Variants in DCC observed in about 807,000 individuals in gnomAD.
The protein encoded by DCC is netrin receptor DCC.
DCC carries 58 observed loss-of-function variants against 172.5 expected under a neutral mutation model. That is an observed-to-expected ratio of 0.34 (90% confidence interval 0.27 to 0.42). DCC has a LOEUF of 0.42. DCC is among the 10% of genes least tolerant of loss of function. The pLI, the probability that DCC is intolerant of heterozygous loss-of-function variation, is 1.00. For synonymous variants in DCC, 709 were observed against 644.5 expected, an observed-to-expected ratio of 1.10 and a Z score of -1.52; for missense variants, 1,740 against 1,791.0, an observed-to-expected ratio of 0.97 and a Z score of 0.51.
chr18:52,858,588 G>A (rs529693819), intron 2 of DCC, among the ~76,000 whole-genome samples: 1 of 152,130 alleles, frequency 6.6e-6, no homozygotes. Context: ...TGGGTCCCCC[G>A]TGTATCTGCA....
At chr18:53,139,229 A>T (rs2043794360) in intron 7 of DCC, among the ~76,000 whole-genome samples, 1 of 152,176 alleles carries the variant, frequency 6.6e-6, no homozygotes, top group Non-Finnish European at 1.5e-5. Context: ...TTCCGGACTA[A>T]GCCACTCTCC....
chr18:53,307,330 A>G (rs746931442), intron 13 of DCC, among the ~76,000 whole-genome samples: 21 of 152,224 alleles, frequency 1.4e-4, no homozygotes, highest in Non-Finnish European at 2.6e-4. Flanking sequence ...ATAATGGGGA[A>G]GATGGTAAAA....
At chr18:52,858,834 G>T (rs918264411) in intron 2 of DCC, among the ~76,000 whole-genome samples, 5 of 152,126 alleles carry the variant, frequency 3.3e-5, no homozygotes, top group African/African-American at 1.2e-4. Context: ...CCCTGGAATG[G>T]GGCAGCAATG....
At chr18:52,420,421 A>G (rs980851064) in intron 1 of DCC, among the ~76,000 whole-genome samples, 1 of 152,152 alleles carries the variant, frequency 6.6e-6, no homozygotes, top group African/African-American at 2.4e-5. Flanking sequence ...TTCTTAAAGT[A>G]TGGTCCACAG....
chr18:53,487,096 A>G, intron 26 of DCC, 138 bp downstream of exon 26: 1 of 1,186,776 alleles, frequency 8.4e-7, no homozygotes, highest in Non-Finnish European at 1.2e-6. Flanking sequence ...TTCCTTTCCA[A>G]CACAGTGCTT....
At chr18:53,049,696 T>C (rs917659741) in intron 5 of DCC, among the ~76,000 whole-genome samples, 4 of 152,082 alleles carry the variant, frequency 2.6e-5, no homozygotes, top group African/African-American at 9.7e-5. Context: ...TCCATGTAAA[T>C]TTTAAAATAG....
At chr18:52,819,352 C>T (rs1001404308) in intron 2 of DCC, among the ~76,000 whole-genome samples, 3 of 152,128 alleles carry the variant, frequency 2.0e-5, no homozygotes, top group African/African-American at 7.2e-5. Flanking sequence ...AAAGATTGTG[C>T]CTAAAAGTTT....
intron 12 of DCC, among the ~76,000 whole-genome samples, chr18:53,273,630 G>A (rs1020783170): frequency 1.3e-5 from 2 of 151,816 alleles, no homozygotes; most frequent in Admixed American, 6.6e-5. Flanking sequence ...CTGAGTTTGT[G>A]TTATTACAAT....
intron 2 of DCC, among the ~76,000 whole-genome samples, chr18:52,897,283 C>CT (rs2039745810): frequency 1.3e-5 from 2 of 152,336 alleles, no homozygotes; most frequent in Middle Eastern, 3.4e-3. Flanking sequence ...TACTCCTTGC[C>CT]TATTTTTGGC....
At position 53,280,958 on chromosome 18, in the gene DCC, A is replaced by T. The variant is rs755955860; in HGVS notation, c.1912-24620A>T. The stretch of plus-strand genomic sequence containing the variant: ...GTTAAATATTAATATGTATTTATAT[A>T]GAGAAAAAGTAGCAGTGTGCAGTCT... On this transcript the variant is annotated intron_variant, in intron 12 of 28. Coordinates refer to ENST00000442544, the MANE Select transcript of DCC (RefSeq NM_005215.4). Among the ~76,000 whole-genome samples the T allele has an allele frequency of 4.1e-4, 62 of 152,116 alleles. 1 individual carries two copies. The highest frequency in any genetic ancestry group is 2.8e-4 in the Non-Finnish European group (19 of 68,022).
Position 53,066,353 on chromosome 18 carries a change from G to GTA in DCC, c.1261+231_1261+232dup, listed in dbSNP as rs10526030. 9.9e-3 allele frequency among the ~76,000 whole-genome samples: 934 copies of GTA among 94,048 alleles called. 4 individuals carry two copies. Among genetic ancestry groups the GTA allele is most frequent in the East Asian group, 0.016 (58 of 3,548 alleles). 61.7% of individuals were successfully genotyped at this position (94,048 alleles called of 152,430 possible). On this transcript the variant is annotated intron_variant, in intron 7 of 28. Coordinates refer to ENST00000442544, the MANE Select transcript of DCC (RefSeq NM_005215.4). Reference sequence around the variant, plus strand: ...TAGAAAATTGTGTGTGTACATGTGTGTATATATATATATATATATATATAT... The same window carrying GTA: ...TAGAAAATTGTGTGTGTACATGTGTGTATATATATATATATATATATATATAT...
At chr18:53,191,183 A>C (rs1418494548) in intron 9 of DCC, among the ~76,000 whole-genome samples, 1 of 152,196 alleles carries the variant, frequency 6.6e-6, no homozygotes, top group Admixed American at 6.5e-5. Flanking sequence ...AGAGGGGTTA[A>C]TTGGCTTGTA....
chr18:52,607,549 G>T (rs980903564), intron 1 of DCC, among the ~76,000 whole-genome samples: 1 of 152,112 alleles, frequency 6.6e-6, no homozygotes, highest in Non-Finnish European at 1.5e-5. Context: ...AGTGAAATCC[G>T]TGGGGCAAGG....
At chr18:53,514,593 A>C (rs2046309842) in intron 27 of DCC, among the ~76,000 whole-genome samples, 2 of 152,146 alleles carry the variant, frequency 1.3e-5, no homozygotes, top group African/African-American at 4.8e-5. Context: ...TCAAATAGAC[A>C]CAATAAAAAA....
chr18:52,720,789 A>G (rs1258697099), intron 1 of DCC, among the ~76,000 whole-genome samples: 2 of 152,174 alleles, frequency 1.3e-5, no homozygotes, highest in East Asian at 3.8e-4. Flanking sequence ...ACTTGCAGGT[A>G]CAAGTCTGTT....
chr18:53,400,316 G>C (rs144039592), intron 18 of DCC, among the ~76,000 whole-genome samples: 168 of 152,208 alleles, frequency 1.1e-3, no homozygotes, highest in African/African-American at 3.8e-3. Flanking sequence ...GTGTCAGAAA[G>C]ATGATGTGTT....
At chr18:52,495,467 A>C (rs73957908) in intron 1 of DCC, among the ~76,000 whole-genome samples, 8,726 of 152,178 alleles carry the variant, frequency 0.057, 310 homozygotes, top group South Asian at 0.12. Flanking sequence ...CCCCAGCTTT[A>C]TGAAGTTCTT....
chr18:52,668,254 C>T (rs2035490555), intron 1 of DCC, among the ~76,000 whole-genome samples: 1 of 151,998 alleles, frequency 6.6e-6, no homozygotes, highest in Non-Finnish European at 1.5e-5. Context: ...TGGGGCTCCC[C>T]GACTTGTTTT....
chr18:53,522,919 T>C (rs2046415914), intron 27 of DCC, among the ~76,000 whole-genome samples: 1 of 152,026 alleles, frequency 6.6e-6, no homozygotes, highest in South Asian at 2.1e-4. Flanking sequence ...ACAAATGGGA[T>C]CAAATTAAAC....
Sources: gnomAD v4.1 joint callset for allele counts (sites outside exome capture counted in the v4.1 genomes callset) on GRCh38, gnomAD v4.1.1 for gene constraint, MANE v1.5 for transcripts, NCBI Gene and HGNC (gene_info 2026-07-23, HGNC 2026-07-21) for gene names.